Variants in ZNF540 observed in about 807,000 individuals in gnomAD.
The protein encoded by ZNF540 is CTD-3064H18.6.
In ZNF540, 3 loss-of-function variants were observed where a neutral mutation model predicts 11.8. The observed-to-expected ratio is 0.25, with a 90% CI of 0.12 to 0.65. The LOEUF (loss-of-function observed/expected upper bound fraction) is 0.65. Ranked by LOEUF, ZNF540 falls within the 30% of genes least tolerant of loss-of-function variation. The pLI is 0.83. For missense variants in ZNF540, 709 were observed against 793.1 expected, an observed-to-expected ratio of 0.89 and a Z score of 1.27; for synonymous variants, 247 against 259.0, an observed-to-expected ratio of 0.95 and a Z score of 0.45.
At position 37,613,329 on chromosome 19, in the gene ZNF540, C is replaced by A; in HGVS notation, c.*66C>A. On this transcript the variant is annotated 3_prime_UTR_variant, in exon 5 of 5. Transcript: ENST00000316433. ...ATCAAAATATTTATGGCCAGAAGTT[C>A]TGTCAATGTGTTGATGTTTTTTTAC... The A allele has an allele frequency of 8.5e-7, 1 of 1,176,618 alleles. No homozygotes were observed. The highest frequency in any genetic ancestry group is 1.1e-6 in the Non-Finnish European group (1 of 879,908). 72.9% of individuals were successfully genotyped at this position (1,176,618 alleles called of 1,614,324 possible).
At chr19:37,563,708 TATACATGTGGAATAC>T (rs1404441731) in intron 1 of ZNF540, 1 of 144,548 alleles carries the variant, frequency 6.9e-6, no homozygotes, top group Non-Finnish European at 1.5e-5. Flanking sequence ...ATGTGGAATA[TATACATGTGGAATAC>T]ATACACGTGG....
chr19:37,584,219 T>C (rs764821012), intron 1 of ZNF540: 2 of 1,362,344 alleles, frequency 1.5e-6, no homozygotes, highest in Non-Finnish European at 2.0e-6. Context: ...ATTGGTTGCC[T>C]AAACAGTAGT....
Position 37,598,401 on chromosome 19 carries a change from C to G in ZNF540, c.-47C>G. On this transcript the variant is annotated 5_prime_UTR_variant, in exon 2 of 5. Coordinates refer to ENST00000316433, the MANE Select transcript of ZNF540 (RefSeq NM_001172225.3). ...GCTTCTCAGAACTTTGCTTCTCCAGCAGAATAATCCTGCGGAAGACTGAGC... is the reference window on the plus strand; with the variant it reads ...GCTTCTCAGAACTTTGCTTCTCCAGGAGAATAATCCTGCGGAAGACTGAGC... 6.2e-7 allele frequency: 1 copy of G among 1,609,904 alleles called. No homozygotes were observed. Among genetic ancestry groups the G allele is most frequent in the Non-Finnish European group, 8.5e-7 (1 of 1,178,238 alleles).
At chr19:37,553,194 C>T (rs1205994611) in intron 1 of ZNF540, among the ~76,000 whole-genome samples, 1 of 117,424 alleles carries the variant, frequency 8.5e-6, no homozygotes, top group African/African-American at 3.4e-5. Context: ...AGTGGAGTGG[C>T]ATGATCTCGG....
rs747500283 is a variant in ZNF540, at chr19:37,612,850, A to G, written c.1570A>G (p.Lys524Glu). 3 of 1,613,612 alleles carry G rather than the reference A, an allele frequency of 1.9e-6. No homozygotes were observed. Among genetic ancestry groups the G allele is most frequent in the Non-Finnish European group, 2.5e-6 (3 of 1,179,898 alleles). Residue 524 changes from lysine to glutamate, a missense_variant, in exon 5 of 5, where the codon AAA becomes GAA. Lys to Glu is a moderately conservative substitution (Grantham distance 56, BLOSUM62 1). Coordinates refer to ENST00000316433, the MANE Select transcript of ZNF540 (RefSeq NM_001172225.3). ...QRIHTGEKPY[K>E]CKECGKAFIR... The stretch of plus-strand genomic sequence containing the variant: ...AATTCACACTGGTGAAAAGCCCTAT[A>G]AATGTAAAGAATGTGGAAAGGCCTT...
intron 1 of ZNF540, among the ~76,000 whole-genome samples, chr19:37,571,504 A>T (rs983700929): frequency 1.3e-5 from 2 of 152,168 alleles, no homozygotes. Context: ...TCAAAAAAAC[A>T]AAAACAAACA....
At chr19:37,605,995 T>C (rs1247361165) in intron 4 of ZNF540, among the ~76,000 whole-genome samples, 1 of 152,240 alleles carries the variant, frequency 6.6e-6, no homozygotes, top group East Asian at 1.9e-4. Flanking sequence ...AGTCAATTTA[T>C]AGTTAGGCAG....
intron 1 of ZNF540, chr19:37,563,162 T>C (rs2042737640): frequency 6.6e-6 from 1 of 151,872 alleles, no homozygotes; most frequent in Non-Finnish European, 1.5e-5. Context: ...ACCCCATCTC[T>C]AAAAAAATTT....
rs1038995803 is a variant in ZNF540, at chr19:37,613,641, G to A, written c.*378G>A. ...CAACTATCTGGCCCAAACTGCTTTG[G>A]ATTAATATTGGATATTACTGTTTTT... On this transcript the variant is annotated 3_prime_UTR_variant, in exon 5 of 5. Coordinates refer to ENST00000316433, the MANE Select transcript of ZNF540 (RefSeq NM_001172225.3). 5.0e-6 allele frequency: 2 copies of A among 396,842 alleles called. No homozygotes were observed. Among genetic ancestry groups the A allele is most frequent in the Non-Finnish European group, 8.9e-6 (2 of 225,776 alleles). 24.6% of individuals were successfully genotyped at this position (396,842 alleles called of 1,614,324 possible).
At position 37,601,149 on chromosome 19, in the gene ZNF540, G is replaced by C. The variant is rs781061992; in HGVS notation, c.232+44G>C. 3 of 1,504,244 alleles carry C rather than the reference G, an allele frequency of 2.0e-6. No homozygotes were observed. The South Asian group carries it at 3.6e-5, about 18-fold the overall frequency. 93.2% of individuals were successfully genotyped at this position (1,504,244 alleles called of 1,614,324 possible). ...AGGCAGATGGAAGCCCTCATTGCCAGTCACGGCCAGCTGGTGAGGGAGCAT... is the reference window on the plus strand; with the variant it reads ...AGGCAGATGGAAGCCCTCATTGCCACTCACGGCCAGCTGGTGAGGGAGCAT... On this transcript the variant is annotated intron_variant, in intron 4 of 4. Transcript: ENST00000316433.
chr19:37,600,917 G>C (rs2044034102), intron 3 of ZNF540, 93 bp from the exon 4 acceptor site: 4 of 1,065,776 alleles, frequency 3.8e-6, no homozygotes, highest in Non-Finnish European at 5.4e-6. Flanking sequence ...TCGAAATCAT[G>C]TTGATCCATA....
chr19:37,561,076 A>G (rs2042712342), intron 1 of ZNF540, among the ~76,000 whole-genome samples: 2 of 141,514 alleles, frequency 1.4e-5, no homozygotes, highest in African/African-American at 2.7e-5. Context: ...AAAAAAAAAG[A>G]AAGAAAAAAT....
intron 1 of ZNF540, among the ~76,000 whole-genome samples, chr19:37,584,435 A>T (rs2043588951): frequency 6.6e-6 from 1 of 152,138 alleles, no homozygotes; most frequent in Admixed American, 6.5e-5. Flanking sequence ...TAACTAATAT[A>T]CTCTCAATTA....
chr19:37,604,164 T>G (rs1335321040), intron 4 of ZNF540, among the ~76,000 whole-genome samples: 3 of 152,054 alleles, frequency 2.0e-5, no homozygotes, highest in African/African-American at 4.8e-5. Context: ...CAATGGAATT[T>G]CATTTGCTTA....
Position 37,611,920 on chromosome 19 carries a change from T to A in ZNF540, c.640T>A (p.Ser214Thr). The change falls in exon 5 of 5, where the codon TCC becomes ACC. Residue 214 changes from serine (S) to threonine (T), a missense_variant. Physicochemically the swap from Ser to Thr is moderately conservative, Grantham distance 58. Transcript: ENST00000316433. ...TCAGAAAATTCATACTGGTGAAAAA[T>A]CCTGTAAATGTGAGAAATGTGGGAA... is the stretch of plus-strand genomic sequence containing the variant. ...LHQKIHTGEK[S>T]CKCEKCGKVF... The A allele has an allele frequency of 6.2e-7, 1 of 1,613,560 alleles. No individual in the cohort carries two copies. Among genetic ancestry groups the A allele is most frequent in the Non-Finnish European group, 8.5e-7 (1 of 1,179,910 alleles).
chr19:37,553,831 T>C (rs2042633498), intron 1 of ZNF540, among the ~76,000 whole-genome samples: 3 of 152,210 alleles, frequency 2.0e-5, no homozygotes, highest in Admixed American at 2.0e-4. Flanking sequence ...TATACTACAT[T>C]ATTGATTTTG....
chr19:37,588,035 G>A (rs1024741489), intron 1 of ZNF540, among the ~76,000 whole-genome samples: 8 of 142,846 alleles, frequency 5.6e-5, no homozygotes, highest in African/African-American at 7.7e-5. Flanking sequence ...GGGAGGTGGA[G>A]GTTGCAGTGA....
chr19:37,582,107 G>T lies in ZNF540; in HGVS notation c.-72-16269G>T, dbSNP rs544071384. On this transcript the variant is annotated intron_variant, in intron 1 of 4. Transcript: ENST00000592533. ...TGTAAACTCTATTTGTAACTTTGAG[G>T]GTTCCTCAAATGGGCCTTCAACAGT... Among the ~76,000 whole-genome samples, 4 of 152,172 alleles carry T rather than the reference G, an allele frequency of 2.6e-5. No homozygotes were observed. In the South Asian group the frequency reaches 6.2e-4, roughly 24 times the overall value.
intron 1 of ZNF540, chr19:37,583,779 A>G: frequency 2.0e-6 from 1 of 508,480 alleles, no homozygotes; most frequent in East Asian, 3.5e-5. Context: ...GAAGGGAGAC[A>G]CTGACAGGAA....
Sources: gnomAD v4.1 joint callset for allele counts (sites outside exome capture counted in the v4.1 genomes callset) on GRCh38, gnomAD v4.1.1 for gene constraint, MANE v1.5 for transcripts, NCBI Gene and HGNC (gene_info 2026-07-23, HGNC 2026-07-21) for gene names.